Variants in CELSR3 observed in about 807,000 individuals in gnomAD.
CELSR3 encodes EGF-like protein 1.
In CELSR3, 73 loss-of-function variants were observed where a neutral mutation model predicts 270.0. The observed-to-expected ratio is 0.27, with a 90% CI of 0.22 to 0.33. The LOEUF is 0.33. CELSR3 is among the 10% of genes least tolerant of loss of function. CELSR3 has a pLI of 1.00. For synonymous variants in CELSR3, 1,780 were observed against 1,905.4 expected (o/e 0.93, Z 1.71); for missense variants, 3,614 against 4,533.8 (o/e 0.80, Z 5.83).
At position 48,657,289 on chromosome 3, in the gene CELSR3, A is replaced by G; in HGVS notation, c.3808T>C (p.Leu1270=). 5.0e-6 allele frequency: 8 copies of G among 1,611,064 alleles called. No individual in the cohort carries two copies. Among genetic ancestry groups the G allele is most frequent in the Admixed American group, 1.7e-5 (1 of 59,600 alleles). Reference sequence around the variant, plus strand: ...CGCACGGTCAGGCTGTTGGCCAGCAACTCCTCCGTGATGATGACCACGCGC... The same window carrying G: ...CGCACGGTCAGGCTGTTGGCCAGCAGCTCCTCCGTGATGATGACCACGCGC... ...VLRVVIITEE[L]LANSLTVRLE... Residue 1270 remains leucine, a synonymous_variant, in exon 2 of 35, where the codon TTG becomes CTG. Coordinates refer to ENST00000164024, the MANE Select transcript of CELSR3 (RefSeq NM_001407.3). The surrounding 1 kb of genome is among the most constrained non-coding windows in gnomAD (Gnocchi z 5.4).
At position 48,648,916 on chromosome 3, in the gene CELSR3, C is replaced by T. The variant is rs1559478636; in HGVS notation, c.6580G>A (p.Glu2194Lys). The T allele has an allele frequency of 6.2e-7, 1 of 1,612,776 alleles. No individual in the cohort carries two copies. Among genetic ancestry groups the T allele is most frequent in the Non-Finnish European group, 8.5e-7 (1 of 1,179,968 alleles). Residue 2194 changes from glutamate to lysine, a missense_variant, in exon 18 of 35, where the codon GAG becomes AAG. By Grantham distance (56) the Glu-to-Lys change is moderately conservative (BLOSUM62 1). Transcript: ENST00000164024. Reference sequence around the variant, plus strand: ...GTATCCAGTGCCGTCTTGTTCAGCTCTAGGCCATCCAGCTGCCAAGACAAG... The same window carrying T: ...GTATCCAGTGCCGTCTTGTTCAGCTTTAGGCCATCCAGCTGCCAAGACAAG... ...RELSLLLDGLELNKTALDTME... is the reference protein window; with the variant it reads ...RELSLLLDGLKLNKTALDTME...
At chr3:48,638,260 T>G (rs1575536369) in intron 34 of CELSR3, 28 bp from the exon 35 acceptor site, 1 of 1,602,086 alleles carries the variant, frequency 6.2e-7, no homozygotes, top group Non-Finnish European at 8.6e-7. Context: ...AATCAGAGGT[T>G]GATGCCCAGA....
rs879051799 is a variant in CELSR3, at chr3:48,650,756, AG to A, written c.6370+135del. On this transcript the variant is annotated intron_variant, in intron 15 of 34. Coordinates refer to ENST00000164024, the MANE Select transcript of CELSR3 (RefSeq NM_001407.3). The surrounding 1 kb of genome is among the most constrained non-coding windows in gnomAD (Gnocchi z 5.1). ...TCAGCAAAGTACTTGGGGCAAAGGTAGGGTTCCCTGGGTGTAAGTGGTCTCC... is the reference window on the plus strand; with the variant it reads ...TCAGCAAAGTACTTGGGGCAAAGGTAGGTTCCCTGGGTGTAAGTGGTCTCC... The A allele has an allele frequency of 1.2e-5, 13 of 1,111,812 alleles. No homozygotes were observed. The South Asian group carries it at 1.7e-4, about 15-fold the overall frequency. 68.9% of individuals were successfully genotyped at this position (1,111,812 alleles called of 1,614,324 possible). A position where few individuals can be genotyped will look rare whatever the true frequency, so the allele number is the denominator to read the frequency against.
In CELSR3 at chr3:48,653,142, G is replaced by A. The variant is rs570544580; in HGVS notation, c.5494C>T (p.Arg1832Cys). 6 of 1,613,284 alleles carry A rather than the reference G, an allele frequency of 3.7e-6. No homozygotes were observed. Among genetic ancestry groups the A allele is most frequent in the East Asian group, 2.2e-5 (1 of 44,878 alleles). Reference protein sequence around the residue: ...LSVTVTRGSGRASHLLLDQVT... With the variant: ...LSVTVTRGSGCASHLLLDQVT... The stretch of plus-strand genomic sequence containing the variant: ...TGGTCCAGAAGGAGATGGGAAGCAC[G>A]GCCCGAGCCCCTGGTCACTGTCACA... Residue 1832 changes from arginine to cysteine, a missense_variant, in exon 10 of 35, where the codon CGT becomes TGT. By Grantham distance (180) the Arg-to-Cys change is radical. Coordinates refer to ENST00000164024, the MANE Select transcript of CELSR3 (RefSeq NM_001407.3). The surrounding 1 kb of genome is among the most constrained non-coding windows in gnomAD (Gnocchi z 6.5).
chr3:48,650,344 C>A lies in CELSR3; in HGVS notation c.6472+136G>T, dbSNP rs2047125896. ...GGCTCAATGAGGGTGTAGGGAGGGG[C>A]CCACATGGACTCCCACCCCACTTCC... On this transcript the variant is annotated intron_variant, in intron 16 of 34. Coordinates refer to ENST00000164024, the MANE Select transcript of CELSR3 (RefSeq NM_001407.3). This position sits in a 1 kb window ranked among gnomAD's most constrained non-coding sequence, Gnocchi z 5.1. The A allele has an allele frequency of 5.4e-6, 4 of 742,322 alleles. No homozygotes were observed. The Admixed American group carries it at 8.0e-5, about 15-fold the overall frequency. 46.0% of individuals were successfully genotyped at this position (742,322 alleles called of 1,614,324 possible). A position where few individuals can be genotyped will look rare whatever the true frequency, so the allele number is the denominator to read the frequency against.
rs138120555 is a variant in CELSR3, at chr3:48,661,244, G to T, written c.1391C>A (p.Pro464His). 6.7e-5 allele frequency: 107 copies of T among 1,608,638 alleles called. 1 individual carries two copies. The highest frequency in any genetic ancestry group is 4.7e-4 in the African/African-American group (35 of 74,902). The change falls in exon 1 of 35, where the codon CCC (proline) becomes CAC (histidine). Residue 464 changes from proline to histidine, a missense_variant. Pro to His is a moderately conservative substitution (Grantham distance 77). Coordinates refer to ENST00000164024, the MANE Select transcript of CELSR3 (RefSeq NM_001407.3). Reference protein sequence around the residue: ...QLRATDGDAPPNANLRYRFVG... With the variant: ...QLRATDGDAPHNANLRYRFVG... ...GAAGCGGTAGCGCAGGTTGGCGTTG[G>T]GGGGCGCGTCGCCGTCAGTGGCACG...
chr3:48,656,606 T>G (rs2077024089), intron 2 of CELSR3, 92 bp downstream of exon 2: 2 of 1,402,860 alleles, frequency 1.4e-6, no homozygotes, highest in African/African-American at 2.9e-5. Context: ...GGCCGTGGCC[T>G]CAGAAGTGAC....
Position 48,646,652 on chromosome 3 carries a change from C to A in CELSR3, c.7295+111G>T. The A allele has an allele frequency of 8.8e-7, 1 of 1,142,838 alleles. No homozygotes were observed. The highest frequency in any genetic ancestry group is 1.5e-5 in the South Asian group (1 of 64,966). 70.8% of individuals were successfully genotyped at this position (1,142,838 alleles called of 1,614,324 possible). Reference sequence around the variant, plus strand: ...CAGAACCCGGCAAGGATGGGGCTCCCTGGAGCTGTGCTCCTCTCTGTGTGT... The same window carrying A: ...CAGAACCCGGCAAGGATGGGGCTCCATGGAGCTGTGCTCCTCTCTGTGTGT... On this transcript the variant is annotated intron_variant, in intron 21 of 34. Transcript: ENST00000164024. The surrounding 1 kb of genome is among the most constrained non-coding windows in gnomAD (Gnocchi z 4.8).
Position 48,655,413 on chromosome 3 carries a change from T to C in CELSR3, c.4742-19A>G. ...GATTCACCTGGAGGGGAGATGCATG[T>C]GGAATCATCAGGAGCAGCGGAGTCG... On this transcript the variant is annotated intron_variant, in intron 4 of 34. Coordinates refer to ENST00000164024, the MANE Select transcript of CELSR3 (RefSeq NM_001407.3). The surrounding 1 kb of genome is among the most constrained non-coding windows in gnomAD (Gnocchi z 5.8). The C allele has an allele frequency of 6.2e-7, 1 of 1,613,226 alleles. No individual in the cohort carries two copies. Among genetic ancestry groups the C allele is most frequent in the Non-Finnish European group, 8.5e-7 (1 of 1,179,262 alleles).
In CELSR3 at chr3:48,650,664, C is replaced by G. The variant is rs1237036227; in HGVS notation, c.6371-83G>C. On this transcript the variant is annotated intron_variant, in intron 15 of 34. Coordinates refer to ENST00000164024, the MANE Select transcript of CELSR3 (RefSeq NM_001407.3). This position sits in a 1 kb window ranked among gnomAD's most constrained non-coding sequence, Gnocchi z 5.1. ...CACCCACTGCCCCTCCACCACCCCC[C>G]ACAAGGCCCACTGCCCGCCACTCCT... 13 of 1,194,132 alleles carry G rather than the reference C, an allele frequency of 1.1e-5. 1 individual carries two copies. The highest frequency in any genetic ancestry group is 8.3e-5 in the Admixed American group (3 of 36,324). 74.0% of individuals were successfully genotyped at this position (1,194,132 alleles called of 1,614,324 possible). A position where few individuals can be genotyped will look rare whatever the true frequency, so the allele number is the denominator to read the frequency against.
Position 48,660,333 on chromosome 3 carries a change from C to A in CELSR3, c.2302G>T (p.Asp768Tyr). 1.2e-6 allele frequency: 2 copies of A among 1,614,180 alleles called. No homozygotes were observed. Among genetic ancestry groups the A allele is most frequent in the Non-Finnish European group, 1.7e-6 (2 of 1,180,036 alleles). Residue 768 changes from aspartate (D) to tyrosine (Y), a missense_variant, in exon 1 of 35, where the codon GAT becomes TAT. This residue lies in a region of CELSR3 where 215 missense variants were observed against 241.2 expected (regional missense o/e 0.89). Transcript: ENST00000164024. The surrounding 1 kb of genome is among the most constrained non-coding windows in gnomAD (Gnocchi z 5.5). ...MKEYHLRLNEDAAVGTSVVSV... is the reference protein window; with the variant it reads ...MKEYHLRLNEYAAVGTSVVSV... ...ACCACACTGGTGCCCACAGCTGCAT[C>A]CTCATTCAGTCGTAGGTGGTACTCC...
chr3:48,641,759 G>A lies in CELSR3; in HGVS notation c.8824+92C>T. ...ATGACTGAGGGGTCAGAAAGACCAG[G>A]ATGAACCCCAACCGCAGGAAAGATG... On this transcript the variant is annotated intron_variant, in intron 32 of 34. Coordinates refer to ENST00000164024, the MANE Select transcript of CELSR3 (RefSeq NM_001407.3). The surrounding 1 kb of genome is among the most constrained non-coding windows in gnomAD (Gnocchi z 4.8). 1 of 1,292,172 alleles carries A rather than the reference G, an allele frequency of 7.7e-7. No individual in the cohort carries two copies. Among genetic ancestry groups the A allele is most frequent in the Non-Finnish European group, 1.0e-6 (1 of 966,780 alleles). The allele number at this position is 1,292,172 out of a possible 1,614,324, so 80.0% of individuals were successfully genotyped here.
chr3:48,646,643 T>C lies in CELSR3; in HGVS notation c.7295+120A>G. 5.7e-6 allele frequency: 6 copies of C among 1,044,778 alleles called. No individual in the cohort carries two copies. The South Asian group carries it at 9.7e-5, about 17-fold the overall frequency. 64.7% of individuals were successfully genotyped at this position (1,044,778 alleles called of 1,614,324 possible). A position where few individuals can be genotyped will look rare whatever the true frequency, so the allele number is the denominator to read the frequency against. On this transcript the variant is annotated intron_variant, in intron 21 of 34. Coordinates refer to ENST00000164024, the MANE Select transcript of CELSR3 (RefSeq NM_001407.3). This position sits in a 1 kb window ranked among gnomAD's most constrained non-coding sequence, Gnocchi z 4.8. The stretch of plus-strand genomic sequence containing the variant: ...AGATTCACACAGAACCCGGCAAGGA[T>C]GGGGCTCCCTGGAGCTGTGCTCCTC...
In CELSR3 at chr3:48,642,583, G is replaced by A. The variant is rs369200727; in HGVS notation, c.8556-116C>T. On this transcript the variant is annotated intron_variant, in intron 30 of 34. Transcript: ENST00000164024. This position sits in a 1 kb window ranked among gnomAD's most constrained non-coding sequence, Gnocchi z 6.1. Reference sequence around the variant, plus strand: ...GGTGGAATGGCATCCCTGGGTGTGTGTGGTGGGAAGCATTTAGGGCAGAGG... The same window carrying A: ...GGTGGAATGGCATCCCTGGGTGTGTATGGTGGGAAGCATTTAGGGCAGAGG... 2 of 1,422,542 alleles carry A rather than the reference G, an allele frequency of 1.4e-6. No homozygotes were observed. The highest frequency in any genetic ancestry group is 4.8e-5 in the East Asian group (2 of 41,404). The allele number at this position is 1,422,542 out of a possible 1,614,324, so 88.1% of individuals were successfully genotyped here. A position where few individuals can be genotyped will look rare whatever the true frequency, so the allele number is the denominator to read the frequency against.
In CELSR3 at chr3:48,652,048, C is replaced by A; in HGVS notation, c.5752G>T (p.Gly1918Trp). 1.3e-6 allele frequency: 2 copies of A among 1,535,030 alleles called. No individual in the cohort carries two copies. The highest frequency in any genetic ancestry group is 1.7e-6 in the Non-Finnish European group (2 of 1,145,976). The change falls in exon 12 of 35, where the codon GGG becomes TGG. Residue 1918 changes from glycine (G) to tryptophan (W), a missense_variant and splice_region_variant. Physicochemically the swap from Gly to Trp is radical, Grantham distance 184 (BLOSUM62 -2). Around this residue, in one of 7 missense-constraint regions of CELSR3, gnomAD observed 1,331 missense variants for 1,933.7 expected, o/e 0.69. Transcript: ENST00000164024. The surrounding 1 kb of genome is among the most constrained non-coding windows in gnomAD (Gnocchi z 4.3). ...GAGGGTGTGGAGCCGAGCCACACCCCCTGTGGACACACAGCCAGCAAGGGG... is the reference window on the plus strand; with the variant it reads ...GAGGGTGTGGAGCCGAGCCACACCCACTGTGGACACACAGCCAGCAAGGGG... ...APQGLVGCIQ[G>W]VWLGSTPSGS...
rs201005192 is a variant in CELSR3, at chr3:48,661,396, G to A, written c.1239C>T (p.Leu413=). 7.4e-6 allele frequency: 12 copies of A among 1,612,442 alleles called. No individual in the cohort carries two copies. The highest frequency in any genetic ancestry group is 9.3e-6 in the Non-Finnish European group (11 of 1,179,862). The change falls in exon 1 of 35, where the codon CTC becomes CTT. Residue 413 remains leucine, a synonymous_variant. Transcript: ENST00000164024. ...VTAQDHGSPR[L]SATTMVAVTV... Reference sequence around the variant, plus strand: ...TCACGGCCACCATCGTGGTGGCCGAGAGGCGCGGCGACCCGTGGTCCTGCG... The same window carrying A: ...TCACGGCCACCATCGTGGTGGCCGAAAGGCGCGGCGACCCGTGGTCCTGCG...
rs2047166590 is a variant in CELSR3, at chr3:48,654,834, CTG to C, written c.4988+208_4988+209del. On this transcript the variant is annotated intron_variant, in intron 6 of 34. Coordinates refer to ENST00000164024, the MANE Select transcript of CELSR3 (RefSeq NM_001407.3). This position sits in a 1 kb window ranked among gnomAD's most constrained non-coding sequence, Gnocchi z 5.4. Reference sequence around the variant, plus strand: ...GAGGCTTTGGAGGACTGCCTGGGGACTGTGTGTGGGAGGAGGGAGTATGGGGT... The same window carrying C: ...GAGGCTTTGGAGGACTGCCTGGGGACTGTGTGGGAGGAGGGAGTATGGGGT... Among the ~76,000 whole-genome samples the C allele has an allele frequency of 1.3e-5, 2 of 148,290 alleles. No individual in the cohort carries two copies. Among genetic ancestry groups the C allele is most frequent in the African/African-American group, 5.0e-5 (2 of 39,820 alleles).
Position 48,661,701 on chromosome 3 carries a change from G to A in CELSR3, c.934C>T (p.Arg312Trp), listed in dbSNP as rs76423828. The stretch of plus-strand genomic sequence containing the variant: ...TTTGCGGCGCGACGAAAGCGTGCCC[G>A]GTTCGCCGAGGTTACTTTCCTGGCT... Reference protein sequence around the residue: ...PEARKVTSANRARFRRAANRH... With the variant: ...PEARKVTSANWARFRRAANRH... The change falls in exon 1 of 35, where the codon CGG (arginine) becomes TGG (tryptophan). Residue 312 changes from arginine to tryptophan, a missense_variant. Physicochemically the swap from Arg to Trp is moderately radical, Grantham distance 101. Coordinates refer to ENST00000164024, the MANE Select transcript of CELSR3 (RefSeq NM_001407.3). The A allele has an allele frequency of 5.7e-6, 9 of 1,573,338 alleles. No individual in the cohort carries two copies. The highest frequency in any genetic ancestry group is 1.4e-5 in the African/African-American group (1 of 73,642).
chr3:48,662,094 C>G lies in CELSR3; in HGVS notation c.541G>C (p.Gly181Arg). 1.2e-6 allele frequency: 2 copies of G among 1,613,948 alleles called. No homozygotes were observed. The highest frequency in any genetic ancestry group is 2.2e-5 in the South Asian group (2 of 91,082). Residue 181 changes from glycine (G) to arginine (R), a missense_variant, in exon 1 of 35, where the codon GGT becomes CGT. Coordinates refer to ENST00000164024, the MANE Select transcript of CELSR3 (RefSeq NM_001407.3). This position sits in a 1 kb window ranked among gnomAD's most constrained non-coding sequence, Gnocchi z 7.1. Reference protein sequence around the residue: ...LPSDFLIRHHGPKPVSSQRNA... With the variant: ...LPSDFLIRHHRPKPVSSQRNA... ...CGCTGGGAGGACACCGGCTTGGGAC[C>G]GTGGTGCCGAATCAAAAAGTCTGAA...
Sources: gnomAD v4.1 joint callset for allele counts (sites outside exome capture counted in the v4.1 genomes callset) on GRCh38, gnomAD v4.1.1 for gene constraint, gnomAD v4.1.1 regional missense constraint, Gnocchi (gnomAD v3.1) non-coding constraint, MANE v1.5 for transcripts, NCBI Gene and HGNC (gene_info 2026-07-23, HGNC 2026-07-21) for gene names.